The following PRIM2 variants were observed in gnomAD, a reference collection of about 807,000 sequenced individuals.
PRIM2 encodes the protein DNA primase subunit 2.
PRIM2 carries 39 observed loss-of-function variants against 67.3 expected under a neutral mutation model. That is an observed-to-expected ratio of 0.58 (90% confidence interval 0.45 to 0.76). The LOEUF (loss-of-function observed/expected upper bound fraction) is 0.76. PRIM2 is among the 30% of genes least tolerant of loss of function. The pLI, the probability that PRIM2 is intolerant of heterozygous loss-of-function variation, is 0.00. For missense variants in PRIM2, 398 were observed against 598.7 expected (o/e 0.66, Z 3.50); for synonymous variants, 143 against 198.7 (o/e 0.72, Z 2.36).
chr6:57,555,847 C>G (rs1210953278), intron 10 of PRIM2, among the ~76,000 whole-genome samples: 3 of 152,116 alleles, frequency 2.0e-5, no homozygotes, highest in African/African-American at 7.2e-5. Context: ...TGCTGAACAC[C>G]TGGCTAAATT....
At chr6:57,570,604 TA>T (rs1216413094) in intron 10 of PRIM2, among the ~76,000 whole-genome samples, 5 of 152,132 alleles carry the variant, frequency 3.3e-5, no homozygotes, top group Non-Finnish European at 7.4e-5. Context: ...GGGATTCTAA[TA>T]AAAAAGTATC....
At chr6:57,297,658 A>T in the PRIM2 span, among the ~76,000 whole-genome samples, 1 of 152,198 alleles carries the variant, frequency 6.6e-6, no homozygotes, top group Non-Finnish European at 1.5e-5. Flanking sequence ...TAGCATCTTA[A>T]CCAAATGACA....
chr6:57,421,701 C>T (rs1490868393), intron 7 of PRIM2, among the ~76,000 whole-genome samples: 1 of 152,202 alleles, frequency 6.6e-6, no homozygotes, highest in African/African-American at 2.4e-5. Context: ...TTCCATCCCA[C>T]TTCCTCTTAT....
chr6:57,396,496 G>A (rs1770519367), intron 7 of PRIM2, among the ~76,000 whole-genome samples: 1 of 152,156 alleles, frequency 6.6e-6, no homozygotes, highest in Admixed American at 6.5e-5. Flanking sequence ...GTGTCCATTT[G>A]CATGAAATGC....
chr6:57,377,188 G>A (rs1769796909), intron 5 of PRIM2, among the ~76,000 whole-genome samples: 2 of 151,826 alleles, frequency 1.3e-5, no homozygotes, highest in African/African-American at 2.4e-5. Context: ...GCACCCTGCC[G>A]GTTTTTCTAT....
At chr6:57,241,973 G>C in the PRIM2 span, among the ~76,000 whole-genome samples, 1 of 152,022 alleles carries the variant, frequency 6.6e-6, no homozygotes, top group Non-Finnish European at 1.5e-5. Context: ...TGCCCGGCCA[G>C]AACCATTTAA....
chr6:57,418,701 G>A (rs559863988), intron 7 of PRIM2, among the ~76,000 whole-genome samples: 4 of 151,896 alleles, frequency 2.6e-5, no homozygotes, highest in Non-Finnish European at 4.4e-5. Context: ...TGCCCGGCCT[G>A]TTTCCTATAT....
chr6:57,228,221 G>C, the PRIM2 span, among the ~76,000 whole-genome samples: 1 of 152,106 alleles, frequency 6.6e-6, no homozygotes, highest in African/African-American at 2.4e-5. Flanking sequence ...GTAATGAAGT[G>C]GTATAAACTC....
the PRIM2 span, among the ~76,000 whole-genome samples, chr6:57,309,065 C>T: frequency 6.6e-6 from 1 of 151,628 alleles, no homozygotes; most frequent in Admixed American, 6.6e-5. Flanking sequence ...TCTGGTTTTC[C>T]TAGGCAGAGG....
the PRIM2 span, among the ~76,000 whole-genome samples, chr6:57,298,064 A>T: frequency 0.018 from 2,764 of 152,292 alleles, 79 homozygotes; most frequent in African/African-American, 0.062. Context: ...AAGAGTAATA[A>T]AAACTTTAGA....
chr6:57,367,266 ATTATTTCCTTTT>A (rs982907731), intron 5 of PRIM2, among the ~76,000 whole-genome samples: 1 of 152,170 alleles, frequency 6.6e-6, no homozygotes, highest in Non-Finnish European at 1.5e-5. Flanking sequence ...CAGAGTGGTA[ATTATTTCCTTTT>A]TTATTTTCTA....
chr6:57,422,158 C>CTTTTTTTTTTTTTTTT (rs575958629), intron 7 of PRIM2, among the ~76,000 whole-genome samples: 1,803 of 102,960 alleles, frequency 0.018, 222 homozygotes, highest in Middle Eastern at 0.026. Context: ...TCTTTTCTTT[C>CTTTTTTTTTTTTTTTT]TTTTTTTTTT....
chr6:57,410,223 C>T (rs1462927732), intron 7 of PRIM2, among the ~76,000 whole-genome samples: 3 of 151,214 alleles, frequency 2.0e-5, no homozygotes, highest in Non-Finnish European at 4.4e-5. Context: ...ACTCAGGAGG[C>T]TGAGGCAGGA....
At chr6:57,381,587 AC>A (rs1238793168) in intron 6 of PRIM2, among the ~76,000 whole-genome samples, 1 of 151,470 alleles carries the variant, frequency 6.6e-6, no homozygotes, top group African/African-American at 2.5e-5. Context: ...GAGAATGGAA[AC>A]ATACATGAAG....
chr6:57,326,155 C>T (rs1767847208), intron 5 of PRIM2, 110 bp downstream of exon 5: 11 of 1,250,656 alleles, frequency 8.8e-6, no homozygotes, highest in South Asian at 3.1e-5. Flanking sequence ...TCTCCAAGTA[C>T]CTGCCTGAAA....
At chr6:57,572,133 A>G (rs1461990197) in intron 10 of PRIM2, among the ~76,000 whole-genome samples, 13 of 152,224 alleles carry the variant, frequency 8.5e-5, no homozygotes, top group Admixed American at 6.5e-5. Context: ...AGTGTCCAGT[A>G]TAGCACCCTA....
chr6:57,606,458 G>T lies in PRIM2; in HGVS notation c.1230+1G>T. On this transcript the variant is annotated splice_donor_variant, in intron 12 of 13. Transcript: ENST00000615550. LOFTEE classifies it high-confidence loss of function. ...GATCTCTCCTGGAGGGATAAGCCAG[G>T]TAGGTCATATTCTTCTCTCTGCATC... 6.4e-7 allele frequency: 1 copy of T among 1,574,354 alleles called. No individual in the cohort carries two copies. The highest frequency in any genetic ancestry group is 8.7e-7 in the Non-Finnish European group (1 of 1,150,446).
intron 7 of PRIM2, among the ~76,000 whole-genome samples, chr6:57,491,876 C>T (rs1318993786): frequency 1.3e-5 from 2 of 152,052 alleles, no homozygotes; most frequent in East Asian, 3.9e-4. Context: ...AGGCTGGGTT[C>T]CTTATTTGTA....
the PRIM2 span, among the ~76,000 whole-genome samples, chr6:57,243,676 G>A: frequency 6.6e-6 from 1 of 152,018 alleles, no homozygotes. Context: ...GGGCTTCACC[G>A]TGTTGGCCAG....
Sources: gnomAD v4.1 joint callset for allele counts (sites outside exome capture counted in the v4.1 genomes callset) on GRCh38, gnomAD v4.1.1 for gene constraint, MANE v1.5 for transcripts, NCBI Gene and HGNC (gene_info 2026-07-23, HGNC 2026-07-21) for gene names.